Variants in CSMD1 observed in about 807,000 individuals in gnomAD.
CSMD1 encodes CUB and Sushi multiple domains 1.
In CSMD1, 213 loss-of-function variants were observed where a neutral mutation model predicts 417.5. The ratio of observed to expected loss-of-function variants is 0.51; its 90% CI spans 0.46 to 0.57. CSMD1 has a LOEUF of 0.57. Among genes scored for constraint, CSMD1 ranks in the 20% least tolerant of loss-of-function variants. The pLI is 0.00. For synonymous variants in CSMD1, 2,862 were observed against 1,736.8 expected (o/e 1.65, Z -16.11); for missense variants, 6,923 against 4,529.7 (o/e 1.53, Z -15.17).
intron 5 of CSMD1, among the ~76,000 whole-genome samples, chr8:3,789,199 G>T (rs561919014): frequency 6.6e-6 from 1 of 152,054 alleles, no homozygotes; most frequent in African/African-American, 2.4e-5. Context: ...ACATGAAAGC[G>T]CTGTGTATGA....
chr8:4,721,270 T>A (rs1584996952), intron 1 of CSMD1, among the ~76,000 whole-genome samples: 2 of 152,224 alleles, frequency 1.3e-5, no homozygotes, highest in East Asian at 3.8e-4. Flanking sequence ...AGTATCATGT[T>A]TAACATATAG....
chr8:4,018,630 T>C (rs1796635996), intron 4 of CSMD1, among the ~76,000 whole-genome samples: 1 of 152,250 alleles, frequency 6.6e-6, no homozygotes, highest in Non-Finnish European at 1.5e-5. Context: ...CAAGCACATG[T>C]TTCTCAAGGA....
chr8:3,792,013 C>G (rs114075946), intron 5 of CSMD1, among the ~76,000 whole-genome samples: 35,606 of 151,910 alleles, frequency 0.23, 4,759 homozygotes, highest in Non-Finnish European at 0.3. Context: ...TTGTTTACTT[C>G]TAATGTTTTG....
chr8:3,785,637 G>C (rs941701104), intron 5 of CSMD1, among the ~76,000 whole-genome samples: 2 of 152,208 alleles, frequency 1.3e-5, no homozygotes, highest in Non-Finnish European at 2.9e-5. Context: ...ACCATCGAGT[G>C]TTTATTGAAG....
intron 51 of CSMD1, among the ~76,000 whole-genome samples, chr8:3,025,590 C>G (rs1180251820): frequency 1.3e-5 from 2 of 152,228 alleles, no homozygotes; most frequent in East Asian, 3.8e-4. Context: ...ACAAGCATCT[C>G]CCTTTCCAAT....
At chr8:3,635,207 G>A (rs1796973599) in intron 7 of CSMD1, among the ~76,000 whole-genome samples, 1 of 152,100 alleles carries the variant, frequency 6.6e-6, no homozygotes, top group Admixed American at 6.6e-5. Context: ...CAGGTGCAGT[G>A]GCTCACGCCT....
chr8:3,180,962 A>G (rs1054321799), intron 37 of CSMD1, 148 bp downstream of exon 37: 13 of 618,700 alleles, frequency 2.1e-5, no homozygotes, highest in Middle Eastern at 4.3e-4. Context: ...TCGTAGAGCC[A>G]GATTTCATAA....
At chr8:4,249,579 G>C (rs549686843) in intron 3 of CSMD1, among the ~76,000 whole-genome samples, 11 of 152,300 alleles carry the variant, frequency 7.2e-5, no homozygotes, top group African/African-American at 2.4e-4. Flanking sequence ...ATCTTAGCTT[G>C]AAGCTGTGTA....
chr8:3,389,240 T>C (rs575070339), intron 17 of CSMD1, among the ~76,000 whole-genome samples: 18 of 152,250 alleles, frequency 1.2e-4, no homozygotes, highest in African/African-American at 4.3e-4. Flanking sequence ...TGCCCATTAG[T>C]TGTTTTTCCC....
intron 3 of CSMD1, among the ~76,000 whole-genome samples, chr8:4,274,271 G>A (rs897131887): frequency 1.1e-4 from 16 of 152,206 alleles, no homozygotes; most frequent in African/African-American, 3.9e-4. Context: ...TCTTCTAGCT[G>A]CTACTATCAG....
intron 3 of CSMD1, among the ~76,000 whole-genome samples, chr8:4,231,512 G>A (rs538153275): frequency 1.2e-3 from 75 of 65,124 alleles, no homozygotes; most frequent in Non-Finnish European, 1.5e-3. Context: ...GGAGACATAA[G>A]AAAGGTCTGT....
At chr8:3,346,014 T>TTTA (rs1419638161) in intron 22 of CSMD1, among the ~76,000 whole-genome samples, 14 of 152,202 alleles carry the variant, frequency 9.2e-5, no homozygotes, top group African/African-American at 2.9e-4. Flanking sequence ...AATTTTAGTC[T>TTTA]TTATTATTAC....
intron 4 of CSMD1, among the ~76,000 whole-genome samples, chr8:4,010,420 C>T (rs1307576425): frequency 6.6e-6 from 1 of 152,164 alleles, no homozygotes; most frequent in South Asian, 2.1e-4. Context: ...AATTCTCGGT[C>T]ATTTCAATGT....
chr8:4,035,614 AG>A (rs1283745176), intron 3 of CSMD1, among the ~76,000 whole-genome samples: 4 of 152,250 alleles, frequency 2.6e-5, no homozygotes, highest in South Asian at 2.1e-4. Context: ...CAGTTTAAAA[AG>A]TAAGAACATA....
chr8:4,952,876 T>C (rs189193635), intron 1 of CSMD1, among the ~76,000 whole-genome samples: 12 of 152,256 alleles, frequency 7.9e-5, no homozygotes, highest in African/African-American at 2.2e-4. Context: ...GACTGTGATG[T>C]TGTTAACAAA....
intron 4 of CSMD1, among the ~76,000 whole-genome samples, chr8:4,026,919 CCAAACAA>C (rs1797092571): frequency 6.8e-6 from 1 of 146,578 alleles, no homozygotes; most frequent in Non-Finnish European, 1.5e-5. Context: ...TAAAAACCAA[CCAAACAA>C]CAAACAAACA....
intron 10 of CSMD1, among the ~76,000 whole-genome samples, chr8:3,542,918 C>T (rs1029129364): frequency 2.0e-5 from 3 of 151,990 alleles, no homozygotes; most frequent in Non-Finnish European, 4.4e-5. Context: ...ACCGTCCTCC[C>T]CAGGCAGCTC....
chr8:3,816,227 G>A (rs187647228), intron 5 of CSMD1, among the ~76,000 whole-genome samples: 1 of 152,310 alleles, frequency 6.6e-6, no homozygotes, highest in East Asian at 1.9e-4. Flanking sequence ...AAGGGCACGT[G>A]TTATATTCGA....
chr8:3,529,798 C>T (rs544610927), intron 10 of CSMD1, among the ~76,000 whole-genome samples: 12 of 152,070 alleles, frequency 7.9e-5, no homozygotes, highest in Admixed American at 2.0e-4. Flanking sequence ...CTGAGCAATC[C>T]CTCCTGGAAT....
Sources: gnomAD v4.1 joint callset for allele counts (sites outside exome capture counted in the v4.1 genomes callset) on GRCh38, gnomAD v4.1.1 for gene constraint, MANE v1.5 for transcripts, NCBI Gene and HGNC (gene_info 2026-07-23, HGNC 2026-07-21) for gene names.